The following MAP3K14 variants were observed in gnomAD, a reference collection of about 807,000 sequenced individuals.
The protein encoded by MAP3K14 is NF-kappa-beta-inducing kinase.
A neutral mutation model predicts 99.2 loss-of-function variants in MAP3K14; 16 were observed. That is an observed-to-expected ratio of 0.16 (90% CI 0.11 to 0.24). MAP3K14 has a LOEUF of 0.24. Among genes scored for constraint, MAP3K14 ranks in the 10% least tolerant of loss-of-function variants. MAP3K14 has a pLI of 1.00. For missense variants in MAP3K14, 784 were observed against 1,208.7 expected (o/e 0.65, Z 5.21); for synonymous variants, 462 against 492.4 (o/e 0.94, Z 0.82).
chr17:45,301,335 T>G (rs11657021), intron 1 of MAP3K14, among the ~76,000 whole-genome samples: 1 of 152,004 alleles, frequency 6.6e-6, no homozygotes, highest in Admixed American at 6.6e-5. Flanking sequence ...TGGTGGCACA[T>G]GCCTGTAATC....
At chr17:45,300,214 C>A (rs2044375700) in intron 1 of MAP3K14, among the ~76,000 whole-genome samples, 1 of 152,186 alleles carries the variant, frequency 6.6e-6, no homozygotes, top group African/African-American at 2.4e-5. Flanking sequence ...GCTGGCCGGC[C>A]CTAGCCGTGC....
Position 45,273,575 on chromosome 17 carries a change from G to C in MAP3K14, c.1585C>G (p.His529Asp), listed in dbSNP as rs867907164. The C allele has an allele frequency of 6.2e-7, 1 of 1,613,306 alleles. No homozygotes were observed. Among genetic ancestry groups the C allele is most frequent in the African/African-American group, 1.3e-5 (1 of 74,924 alleles). ...TGGCCAAAGTCACAGAGGGCTGCGT[G>C]GCTCCCATCGCTGGACAGGAGCACG... Reference protein sequence around the residue: ...DNVLLSSDGSHAALCDFGHAV... With the variant: ...DNVLLSSDGSDAALCDFGHAV... The change falls in exon 9 of 16, where the codon CAC (histidine) becomes GAC (aspartate). Residue 529 changes from histidine to aspartate, a missense_variant. By Grantham distance (81) the His-to-Asp change is moderately conservative (BLOSUM62 -1). This residue lies in a region of MAP3K14 where 200 missense variants were observed against 367.9 expected (regional missense o/e 0.54). Coordinates refer to ENST00000344686, the MANE Select transcript of MAP3K14 (RefSeq NM_003954.5).
At chr17:45,285,923 G>C (rs2044260802) in intron 5 of MAP3K14, among the ~76,000 whole-genome samples, 1 of 149,236 alleles carries the variant, frequency 6.7e-6, no homozygotes, top group Non-Finnish European at 1.5e-5. Context: ...CTGCACTCCA[G>C]CCTGGGTGAC....
Position 45,286,485 on chromosome 17 carries a change from T to C in MAP3K14, c.1098A>G (p.Arg366=), listed in dbSNP as rs772065458. The change falls in exon 5 of 16, where the codon AGA becomes AGG. Residue 366 remains arginine (R), a synonymous_variant. Coordinates refer to ENST00000344686, the MANE Select transcript of MAP3K14 (RefSeq NM_003954.5). This position sits in a 1 kb window ranked among gnomAD's most constrained non-coding sequence, Gnocchi z 4.1. Reference sequence around the variant, plus strand: ...CAGTTTTGGGGCTGGGCTCCCGGGATCTGGAGCCCCTTGCTGCCCAGGTCT... The same window carrying C: ...CAGTTTTGGGGCTGGGCTCCCGGGACCTGGAGCCCCTTGCTGCCCAGGTCT... ...LAKTWAARGS[R]SREPSPKTED... 1.3e-5 allele frequency: 21 copies of C among 1,604,148 alleles called. No individual in the cohort carries two copies. In the Middle Eastern group the frequency reaches 4.9e-4, roughly 38 times the overall value.
intron 6 of MAP3K14, among the ~76,000 whole-genome samples, chr17:45,275,030 T>C (rs932418390): frequency 1.9e-4 from 28 of 151,338 alleles, no homozygotes; most frequent in African/African-American, 6.3e-4. Context: ...TCCCAGCTAC[T>C]CGGGAGGCTG....
At position 45,265,157 on chromosome 17, in the gene MAP3K14, C is replaced by A. The variant is rs568415751; in HGVS notation, c.2679+6G>T. On this transcript the variant is annotated splice_donor_region_variant and intron_variant, in intron 15 of 15. Transcript: ENST00000344686. ...CTGCCCGTCAGAGTGTACCTGCCCC[C>A]CTTACCTGGCTGCTGATGCCAGTGG... 3.7e-6 allele frequency: 6 copies of A among 1,611,882 alleles called. No individual in the cohort carries two copies. The highest frequency in any genetic ancestry group is 5.1e-6 in the Non-Finnish European group (6 of 1,178,058).
At chr17:45,285,246 A>G (rs1437345577) in intron 5 of MAP3K14, among the ~76,000 whole-genome samples, 1 of 152,188 alleles carries the variant, frequency 6.6e-6, no homozygotes, top group African/African-American at 2.4e-5. Context: ...AATCACCTTG[A>G]CAATGAAAAA....
chr17:45,279,559 A>T (rs1205285706), intron 6 of MAP3K14, among the ~76,000 whole-genome samples: 1 of 151,918 alleles, frequency 6.6e-6, no homozygotes, highest in Non-Finnish European at 1.5e-5. Context: ...CGGCCTCCCG[A>T]GTAGCTGGTG....
Position 45,267,813 on chromosome 17 carries a change from G to A in MAP3K14, c.1973-54C>T. 6.7e-7 allele frequency: 1 copy of A among 1,495,864 alleles called. No homozygotes were observed. The highest frequency in any genetic ancestry group is 9.1e-7 in the Non-Finnish European group (1 of 1,097,640). 92.7% of individuals were successfully genotyped at this position (1,495,864 alleles called of 1,614,324 possible). ...GGAAGCGTGCTGTGCACAGACAGCG[G>A]TCCAGGCAGGAGCGGCCTCTCCTGA... is the stretch of plus-strand genomic sequence containing the variant. On this transcript the variant is annotated intron_variant, in intron 11 of 15. Coordinates refer to ENST00000344686, the MANE Select transcript of MAP3K14 (RefSeq NM_003954.5). The surrounding 1 kb of genome is among the most constrained non-coding windows in gnomAD (Gnocchi z 5.1).
chr17:45,269,910 T>C (rs1279406895), intron 11 of MAP3K14, among the ~76,000 whole-genome samples: 1 of 152,248 alleles, frequency 6.6e-6, no homozygotes, highest in African/African-American at 2.4e-5. Flanking sequence ...ATGGGGTCCC[T>C]GACTTATAGC....
Position 45,287,194 on chromosome 17 carries a change from G to A in MAP3K14, c.497C>T (p.Pro166Leu), listed in dbSNP as rs751285927. The A allele has an allele frequency of 6.2e-7, 1 of 1,613,846 alleles. No homozygotes were observed. Among genetic ancestry groups the A allele is most frequent in the African/African-American group, 1.3e-5 (1 of 74,930 alleles). ...GCAGCTCTCCTGCTCAGGGGTCCTG[G>A]GGAGGGGTTTGGCCAAGGCCACTCC... ...HAGVALAKPL[P>L]RTPEQESCTI... Residue 166 changes from proline to leucine, a missense_variant, in exon 4 of 16, where the codon CCC (proline) becomes CTC (leucine). Coordinates refer to ENST00000344686, the MANE Select transcript of MAP3K14 (RefSeq NM_003954.5).
At chr17:45,289,119 C>T (rs1338458239) in intron 3 of MAP3K14, 117 bp downstream of exon 3, 1 of 799,332 alleles carries the variant, frequency 1.3e-6, no homozygotes, top group African/African-American at 1.7e-5. Flanking sequence ...AGGAGCTGAA[C>T]CACAGGTGCT....
In MAP3K14 at chr17:45,264,530, G is replaced by A. The variant is rs1164489772; in HGVS notation, c.*106C>T. The A allele has an allele frequency of 7.3e-7, 1 of 1,376,048 alleles. No individual in the cohort carries two copies. Among genetic ancestry groups the A allele is most frequent in the East Asian group, 2.6e-5 (1 of 38,512 alleles). 85.2% of individuals were successfully genotyped at this position (1,376,048 alleles called of 1,614,324 possible). On this transcript the variant is annotated 3_prime_UTR_variant, in exon 16 of 16. Transcript: ENST00000344686. ...GCCCTGGTCCCACTGCTGAGCCGGG[G>A]GCTGGCAGATCCCTGGGAACGGCTG... is the stretch of plus-strand genomic sequence containing the variant.
chr17:45,289,496 G>A (rs928102446), intron 2 of MAP3K14, among the ~76,000 whole-genome samples, 191 bp from the exon 3 acceptor site: 2 of 152,110 alleles, frequency 1.3e-5, no homozygotes, highest in African/African-American at 4.8e-5. Flanking sequence ...TCAGCTTACT[G>A]GTCAAGAGCA....
intron 1 of MAP3K14, among the ~76,000 whole-genome samples, chr17:45,306,231 C>G (rs1399989397): frequency 6.6e-6 from 1 of 152,118 alleles, no homozygotes; most frequent in Non-Finnish European, 1.5e-5. Context: ...CAAGGCCACA[C>G]AGCAGTGAAG....
At chr17:45,311,209 A>G (rs931236936) in intron 1 of MAP3K14, among the ~76,000 whole-genome samples, 1 of 152,238 alleles carries the variant, frequency 6.6e-6, no homozygotes. Context: ...TGTCCAGGCT[A>G]TAATCCTAAC....
intron 1 of MAP3K14, among the ~76,000 whole-genome samples, chr17:45,305,577 T>C (rs1203486333): frequency 6.6e-6 from 1 of 152,076 alleles, no homozygotes; most frequent in East Asian, 1.9e-4. Context: ...ATTTATTTAT[T>C]TTTTTGTAGA....
At chr17:45,278,555 A>G (rs571044590) in intron 6 of MAP3K14, among the ~76,000 whole-genome samples, 1 of 152,294 alleles carries the variant, frequency 6.6e-6, no homozygotes, top group South Asian at 2.1e-4. Context: ...AAGAAGCTGA[A>G]GCCTGGGCAA....
intron 6 of MAP3K14, among the ~76,000 whole-genome samples, chr17:45,279,371 C>A (rs2044202758): frequency 6.6e-6 from 1 of 152,158 alleles, no homozygotes; most frequent in Non-Finnish European, 1.5e-5. Context: ...AGGTGATTCA[C>A]CCGCCTCGGC....
Sources: gnomAD v4.1 joint callset for allele counts (sites outside exome capture counted in the v4.1 genomes callset) on GRCh38, gnomAD v4.1.1 for gene constraint, gnomAD v4.1.1 regional missense constraint, Gnocchi (gnomAD v3.1) non-coding constraint, MANE v1.5 for transcripts, NCBI Gene and HGNC (gene_info 2026-07-23, HGNC 2026-07-21) for gene names.